NEMF: variants seen among roughly 807,000 people sequenced by gnomAD.
NEMF encodes ribosome quality control complex subunit NEMF.
A neutral mutation model predicts 162.2 loss-of-function variants in NEMF; 89 were observed. That is an observed-to-expected ratio of 0.55 (90% CI 0.46 to 0.65). The LOEUF (loss-of-function observed/expected upper bound fraction) is 0.65, where lower values mean the gene tolerates loss of function less well. Among genes scored for constraint, NEMF ranks in the 30% least tolerant of loss-of-function variants. The pLI is 0.00. For missense variants in NEMF, 1,133 were observed against 1,261.9 expected, an observed-to-expected ratio of 0.90 and a Z score of 1.55; for synonymous variants, 421 against 404.5, an observed-to-expected ratio of 1.04 and a Z score of -0.49.
intron 26 of NEMF, among the ~76,000 whole-genome samples, chr14:49,793,449 C>T (rs769107563): frequency 6.6e-6 from 1 of 152,120 alleles, no homozygotes; most frequent in African/African-American, 2.4e-5. Flanking sequence ...GAGGCTGAGG[C>T]GGGCAGATTG....
intron 20 of NEMF, 117 bp from the exon 21 acceptor site, chr14:49,802,844 A>G (rs1052716884): frequency 5.6e-6 from 4 of 718,372 alleles, no homozygotes; most frequent in South Asian, 1.8e-5. Flanking sequence ...TTTGTCTTTT[A>G]CTATGTCAAG....
In NEMF at chr14:49,851,637, C is replaced by G. The variant is rs1477835052; in HGVS notation, c.157G>C (p.Glu53Gln). ...KPDFKATLLL[E>Q]SGIRIHTTEF... ...GTTGTATGAATTCGTATGCCAGATT[C>G]AAGTAAAAGTGTAGCTTTAAAGTCC... Residue 53 changes from glutamate to glutamine, a missense_variant, in exon 3 of 33, where the codon GAA (glutamate) becomes CAA (glutamine). By Grantham distance (29) the Glu-to-Gln change is conservative. Transcript: ENST00000298310. The G allele has an allele frequency of 1.9e-6, 3 of 1,613,780 alleles. No homozygotes were observed. The Admixed American group carries it at 5.0e-5, about 27-fold the overall frequency.
chr14:49,813,941 A>AAG, intron 18 of NEMF, 47 bp downstream of exon 18: 1 of 1,151,932 alleles, frequency 8.7e-7, no homozygotes. Flanking sequence ...CACTAAAAAT[A>AAG]TTTTAAAGAA....
chr14:49,795,658 A>G, intron 26 of NEMF, 133 bp downstream of exon 26: 1 of 756,838 alleles, frequency 1.3e-6, no homozygotes, highest in South Asian at 1.9e-5. Context: ...TATCTACTCA[A>G]CTAATTTTTA....
chr14:49,847,648 T>C (rs1002369527), intron 3 of NEMF, among the ~76,000 whole-genome samples: 1 of 152,062 alleles, frequency 6.6e-6, no homozygotes, highest in African/African-American at 2.4e-5. Context: ...CATGAGCTTA[T>C]GGCTTATGGT....
At chr14:49,840,679 A>G in intron 5 of NEMF, 39 bp downstream of exon 5, 7 of 1,581,888 alleles carry the variant, frequency 4.4e-6, no homozygotes, top group Non-Finnish European at 6.0e-6. Context: ...AGTACATTTT[A>G]ATACAATACG....
chr14:49,801,494 A>C (rs375232971), intron 22 of NEMF: 1 of 18,310 alleles, frequency 5.5e-5, no homozygotes, highest in African/African-American at 2.2e-4. Flanking sequence ...CTCGGGGGGA[A>C]AAAAAAAAAG....
chr14:49,844,932 C>G (rs1007671016), intron 4 of NEMF: 1 of 203,724 alleles, frequency 4.9e-6, no homozygotes, highest in Non-Finnish European at 1.1e-5. Context: ...CCACACCAGG[C>G]TAATTTTTGT....
At position 49,829,227 on chromosome 14, in the gene NEMF, C is replaced by T; in HGVS notation, c.1059G>A (p.Met353Ile). 6.2e-7 allele frequency: 1 copy of T among 1,614,150 alleles called. No homozygotes were observed. The highest frequency in any genetic ancestry group is 1.1e-5 in the South Asian group (1 of 91,076). The change falls in exon 13 of 33, where the codon ATG becomes ATA. Residue 353 changes from methionine to isoleucine, a missense_variant. Met to Ile is a conservative substitution (Grantham distance 10). Around this residue, in one of 3 missense-constraint regions of NEMF, gnomAD observed 582 missense variants for 631.5 expected, o/e 0.92. Coordinates refer to ENST00000298310, the MANE Select transcript of NEMF (RefSeq NM_004713.6). Reference protein sequence around the residue: ...IDKLKGELIEMNLQIVDRAIQ... With the variant: ...IDKLKGELIEINLQIVDRAIQ... The stretch of plus-strand genomic sequence containing the variant: ...TGGCTCTGTCAACTATTTGTAGGTT[C>T]ATTTCTATGAGCTCTCCTTTCAGTT...
Position 49,788,665 on chromosome 14 carries a change from C to T in NEMF, c.2895+481G>A, listed in dbSNP as rs1421437068. Among the ~76,000 whole-genome samples, 6 of 149,952 alleles carry T rather than the reference C, an allele frequency of 4.0e-5. No homozygotes were observed. The East Asian group carries it at 1.2e-3, about 30-fold the overall frequency. ...CTCTGCCTCCCAGGTTCACGCTATT[C>T]TGCCTCAGCCTCCCAAGTAGCTGAG... On this transcript the variant is annotated intron_variant, in intron 28 of 32. Coordinates refer to ENST00000298310, the MANE Select transcript of NEMF (RefSeq NM_004713.6).
intron 18 of NEMF, among the ~76,000 whole-genome samples, chr14:49,813,655 T>C (rs903715747): frequency 9.1e-6 from 1 of 110,294 alleles, no homozygotes; most frequent in African/African-American, 3.7e-5. Context: ...TACATCTTTT[T>C]TTATTAGGTG....
intron 18 of NEMF, among the ~76,000 whole-genome samples, chr14:49,813,237 T>G (rs1206030972): frequency 1.3e-5 from 2 of 152,174 alleles, no homozygotes; most frequent in African/African-American, 4.8e-5. Flanking sequence ...CACTGGAGTT[T>G]GCTAGAAACG....
At chr14:49,843,563 A>G in intron 4 of NEMF, among the ~76,000 whole-genome samples, 1 of 152,270 alleles carries the variant, frequency 6.6e-6, no homozygotes, top group Non-Finnish European at 1.5e-5. Flanking sequence ...ATGGGGATAC[A>G]TTCTAAGAAA....
Position 49,789,128 on chromosome 14 carries a change from C to A in NEMF, c.2895+18G>T, listed in dbSNP as rs201003160. 145 of 1,605,362 alleles carry A rather than the reference C, an allele frequency of 9.0e-5. 2 individuals carry two copies. Among genetic ancestry groups the A allele is most frequent in the East Asian group, 8.3e-4 (37 of 44,802 alleles). On this transcript the variant is annotated intron_variant, in intron 28 of 32. Coordinates refer to ENST00000298310, the MANE Select transcript of NEMF (RefSeq NM_004713.6). ...AATCACCCTAATTAAGAAGCAGAAG[C>A]CCACAAAGTAGCCATACCTTGTCAT... is the stretch of plus-strand genomic sequence containing the variant.
chr14:49,851,671 G>C lies in NEMF; in HGVS notation c.129-6C>G. 2 of 1,610,788 alleles carry C rather than the reference G, an allele frequency of 1.2e-6. No homozygotes were observed. The highest frequency in any genetic ancestry group is 1.7e-5 in the Admixed American group (1 of 59,870). ...GTGTAGCTTTAAAGTCCGGTCTGTAGAAGAAAAAAGTCGAATTTTTCTTTA... is the reference window on the plus strand; with the variant it reads ...GTGTAGCTTTAAAGTCCGGTCTGTACAAGAAAAAAGTCGAATTTTTCTTTA... On this transcript the variant is annotated splice_region_variant and splice_polypyrimidine_tract_variant and intron_variant, in intron 2 of 32. Coordinates refer to ENST00000298310, the MANE Select transcript of NEMF (RefSeq NM_004713.6).
chr14:49,782,200 T>C lies in NEMF; in HGVS notation c.*2436A>G, dbSNP rs191148017. On this transcript the variant is annotated 3_prime_UTR_variant, in exon 33 of 33. Transcript: ENST00000298310. ...AAATAATATCCAGATAAAATAGATA[T>C]TGATTGATCTGCTTTTGCTACTTTC... 4.6e-5 allele frequency: 25 copies of C among 544,794 alleles called. No individual in the cohort carries two copies. Among genetic ancestry groups the C allele is most frequent in the East Asian group, 4.6e-4 (15 of 32,874 alleles). The allele number at this position is 544,794 out of a possible 1,614,324, so 33.7% of individuals were successfully genotyped here.
chr14:49,835,837 T>A (rs141615236), intron 6 of NEMF, among the ~76,000 whole-genome samples: 1 of 152,192 alleles, frequency 6.6e-6, no homozygotes, highest in South Asian at 2.1e-4. Context: ...AACCAATATA[T>A]AGAAATCAAT....
At chr14:49,805,493 T>C (rs1891144970) in intron 19 of NEMF, among the ~76,000 whole-genome samples, 3 of 89,838 alleles carry the variant, frequency 3.3e-5, no homozygotes, top group African/African-American at 4.5e-5. Context: ...TGAAACCTCA[T>C]CTCTATAAAG....
intron 4 of NEMF, among the ~76,000 whole-genome samples, chr14:49,842,628 G>A (rs1228302290): frequency 2.0e-5 from 3 of 152,348 alleles, no homozygotes; most frequent in African/African-American, 7.2e-5. Flanking sequence ...GAAATGACAG[G>A]TTGCAATGTA....
Sources: allele counts gnomAD v4.1 joint callset (sites outside exome capture counted in the v4.1 genomes callset), GRCh38; gene constraint gnomAD v4.1.1; regional missense constraint gnomAD v4.1.1; transcripts MANE v1.5; gene names NCBI Gene and HGNC (gene_info 2026-07-23, HGNC 2026-07-21).